Variants in HS6ST2 observed in about 807,000 individuals in gnomAD.
The protein encoded by HS6ST2 is heparan-sulfate 6-O-sulfotransferase 2.
In HS6ST2, 17 loss-of-function variants were observed where a neutral mutation model predicts 33.0. That is an observed-to-expected ratio of 0.52 (90% CI 0.35 to 0.77). The LOEUF is 0.77. Ranked by LOEUF, HS6ST2 falls within the 30% of genes least tolerant of loss-of-function variation. HS6ST2 has a pLI of 0.01. For synonymous variants in HS6ST2, 248 were observed against 237.1 expected (o/e 1.05, Z -0.42); for missense variants, 519 against 551.7 (o/e 0.94, Z 0.59).
intron 2 of HS6ST2, among the ~76,000 whole-genome samples, chrX:132,938,175 C>A (rs1172549429): frequency 1.4e-4 from 14 of 101,104 alleles, no homozygotes; most frequent in East Asian, 3.1e-4. Flanking sequence ...AAAAAAAAAA[C>A]AAATAAATAA....
chrX:132,782,102 G>A (rs974040297), intron 2 of HS6ST2, among the ~76,000 whole-genome samples: 1 of 111,934 alleles, frequency 8.9e-6, no homozygotes, highest in African/African-American at 3.2e-5. Flanking sequence ...GCTGAAGTAT[G>A]TAAATGTAAG....
chrX:132,851,013 A>G (rs1203093050), intron 2 of HS6ST2, among the ~76,000 whole-genome samples: 2 of 111,961 alleles, frequency 1.8e-5, no homozygotes, highest in Non-Finnish European at 3.8e-5. Context: ...TTTTTGTAAA[A>G]TTGAGAGGCA....
chrX:132,914,152 C>A (rs1054718877), intron 2 of HS6ST2, among the ~76,000 whole-genome samples: 4 of 112,511 alleles, frequency 3.6e-5, no homozygotes, highest in African/African-American at 1.3e-4. Context: ...ATAATAAAAG[C>A]AAACCTTCTG....
chrX:132,788,557 A>G (rs771007355), intron 2 of HS6ST2, among the ~76,000 whole-genome samples: 11 of 112,169 alleles, frequency 9.8e-5, no homozygotes, highest in Admixed American at 1.9e-4. Flanking sequence ...AAAGAGTCCC[A>G]CATCTCTCAC....
chrX:132,630,913 T>C (rs1272368755), intron 4 of HS6ST2, among the ~76,000 whole-genome samples: 1 of 111,685 alleles, frequency 9.0e-6, no homozygotes, highest in African/African-American at 3.3e-5. Context: ...CCACTGCATT[T>C]CAGCCTGAGC....
At chrX:132,687,758 T>G (rs1392546703) in intron 3 of HS6ST2, among the ~76,000 whole-genome samples, 5 of 109,564 alleles carry the variant, frequency 4.6e-5, no homozygotes, top group African/African-American at 6.6e-5. Context: ...CAACATTTGT[T>G]TTTTTTTTGA....
At position 132,628,445 on chromosome X, in the gene HS6ST2, G is replaced by A. The variant is rs1569474822; in HGVS notation, c.1716C>T (p.Ser572=). The A allele has an allele frequency of 8.3e-7, 1 of 1,209,967 alleles. No homozygotes were observed. Among genetic ancestry groups the A allele is most frequent in the East Asian group, 3.0e-5 (1 of 33,732 alleles). The change falls in exon 5 of 5, where the codon AGC becomes AGT. Residue 572 remains serine, a synonymous_variant. Transcript: ENST00000370833. ...GATTCTGGCTCTGGCCCTGACCCTG[G>A]CTCTGGAAATGGGTCTGAAGGAGCC... ...KGRLLQTHFQ[S]QGQGQSQNPN...
intron 2 of HS6ST2, among the ~76,000 whole-genome samples, chrX:132,849,905 C>T (rs1407951087): frequency 8.9e-6 from 1 of 112,009 alleles, no homozygotes; most frequent in Non-Finnish European, 1.9e-5. Flanking sequence ...CCAGTTGAAC[C>T]CTTTTATTTT....
chrX:132,838,773 A>AT (rs890351063), intron 2 of HS6ST2, among the ~76,000 whole-genome samples: 9 of 109,008 alleles, frequency 8.3e-5, no homozygotes, highest in East Asian at 5.8e-4. Flanking sequence ...TGCCGTCACT[A>AT]TTTTTTTTTA....
At chrX:132,935,427 A>G (rs1359574793) in intron 2 of HS6ST2, among the ~76,000 whole-genome samples, 2 of 111,498 alleles carry the variant, frequency 1.8e-5, no homozygotes, top group Admixed American at 9.5e-5. Flanking sequence ...CAGTGGCACA[A>G]TCTCAGCTCA....
At chrX:132,731,531 CAAGAGGCA>C (rs1405459603) in intron 2 of HS6ST2, among the ~76,000 whole-genome samples, 6 of 111,933 alleles carry the variant, frequency 5.4e-5, no homozygotes, top group Non-Finnish European at 1.1e-4. Context: ...TTCCTCCTAC[CAAGAGGCA>C]AATCTTGTTA....
chrX:132,668,721 T>C (rs1162071980), intron 4 of HS6ST2, among the ~76,000 whole-genome samples: 1 of 112,037 alleles, frequency 8.9e-6, no homozygotes, highest in Non-Finnish European at 1.9e-5. Flanking sequence ...CTAAACTCAG[T>C]GTATGGATCA....
At chrX:132,915,211 G>A (rs937387192) in intron 2 of HS6ST2, among the ~76,000 whole-genome samples, 1 of 112,016 alleles carries the variant, frequency 8.9e-6, no homozygotes, top group Non-Finnish European at 1.9e-5. Flanking sequence ...TCTCTGTTAT[G>A]ATAAAACACC....
At chrX:132,903,244 C>G (rs1424987816) in intron 2 of HS6ST2, among the ~76,000 whole-genome samples, 9 of 110,704 alleles carry the variant, frequency 8.1e-5, no homozygotes, top group Non-Finnish European at 1.9e-5. Flanking sequence ...ATAAAATAAG[C>G]CTAAAATTTA....
intron 2 of HS6ST2, among the ~76,000 whole-genome samples, chrX:132,880,177 G>T (rs1312260279): frequency 9.0e-6 from 1 of 111,714 alleles, no homozygotes; most frequent in Non-Finnish European, 1.9e-5. Context: ...GCAGTTTCAT[G>T]CCTTCCTTTC....
chrX:132,827,609 A>G (rs189601056), intron 2 of HS6ST2, among the ~76,000 whole-genome samples: 1 of 111,273 alleles, frequency 9.0e-6, no homozygotes, highest in Admixed American at 9.6e-5. Flanking sequence ...ATTTATATAG[A>G]TCAACCTCAT....
intron 2 of HS6ST2, among the ~76,000 whole-genome samples, chrX:132,856,516 A>G (rs1483154043): frequency 4.5e-5 from 5 of 111,879 alleles, no homozygotes; most frequent in African/African-American, 1.3e-4. Flanking sequence ...TAAAAATCAT[A>G]CAGGAGTACA....
At chrX:132,855,108 T>G (rs186279875) in intron 2 of HS6ST2, among the ~76,000 whole-genome samples, 1 of 112,004 alleles carries the variant, frequency 8.9e-6, no homozygotes, top group Non-Finnish European at 1.9e-5. Context: ...CTTCAAATCT[T>G]CCCACTCAGT....
intron 4 of HS6ST2, 144 bp from the exon 5 acceptor site, chrX:132,629,237 A>T (rs984074358): frequency 5.4e-5 from 34 of 633,251 alleles, no homozygotes; most frequent in Non-Finnish European, 7.3e-5. Flanking sequence ...TTGTCCTGTA[A>T]ACTGTACTGC....
Sources: gnomAD v4.1 joint callset for allele counts (sites outside exome capture counted in the v4.1 genomes callset) on GRCh38, gnomAD v4.1.1 for gene constraint, MANE v1.5 for transcripts, NCBI Gene and HGNC (gene_info 2026-07-23, HGNC 2026-07-21) for gene names.